The following FER variants were observed in gnomAD, a reference collection of about 807,000 sequenced individuals.
The protein encoded by FER is tyrosine-protein kinase Fer.
A neutral mutation model predicts 111.0 loss-of-function variants in FER; 63 were observed. The observed-to-expected ratio is 0.57, with a 90% CI of 0.46 to 0.70. The LOEUF (loss-of-function observed/expected upper bound fraction) is 0.70. Among genes scored for constraint, FER ranks in the 30% least tolerant of loss-of-function variants. FER has a pLI of 0.00. For synonymous variants in FER, 327 were observed against 313.9 expected, an observed-to-expected ratio of 1.04 and a Z score of -0.44; for missense variants, 914 against 954.0, an observed-to-expected ratio of 0.96 and a Z score of 0.55.
intron 11 of FER, among the ~76,000 whole-genome samples, chr5:108,954,056 G>A (rs1409197786): frequency 6.6e-6 from 1 of 152,064 alleles, no homozygotes; most frequent in Non-Finnish European, 1.5e-5. Flanking sequence ...TCTCTACCAT[G>A]CTCATGGTTT....
At chr5:108,955,410 A>G (rs1758308006) in intron 12 of FER, among the ~76,000 whole-genome samples, 1 of 151,832 alleles carries the variant, frequency 6.6e-6, no homozygotes. Context: ...ATTGGTTTTT[A>G]TAGATAAGCT....
chr5:108,914,790 AT>A (rs1309031913), intron 10 of FER, among the ~76,000 whole-genome samples: 1 of 152,330 alleles, frequency 6.6e-6, no homozygotes, highest in African/African-American at 2.4e-5. Flanking sequence ...CATTTCACAA[AT>A]TTGTGTAAGC....
At chr5:108,877,633 G>T (rs914068955) in intron 8 of FER, among the ~76,000 whole-genome samples, 1 of 152,136 alleles carries the variant, frequency 6.6e-6, no homozygotes, top group Non-Finnish European at 1.5e-5. Context: ...CAACAATAGA[G>T]AAAAAGAGAT....
At chr5:108,940,995 A>C (rs1023490169) in intron 10 of FER, among the ~76,000 whole-genome samples, 1 of 152,100 alleles carries the variant, frequency 6.6e-6, no homozygotes, top group Non-Finnish European at 1.5e-5. Context: ...TAGAGCTGAA[A>C]GTTGTCTTCT....
At chr5:108,814,709 CT>C (rs1758101785) in intron 3 of FER, among the ~76,000 whole-genome samples, 1 of 152,188 alleles carries the variant, frequency 6.6e-6, no homozygotes, top group Non-Finnish European at 1.5e-5. Flanking sequence ...CAATACCTAA[CT>C]TTCTGGGCAT....
intron 17 of FER, among the ~76,000 whole-genome samples, chr5:109,122,641 T>G (rs1412662612): frequency 6.8e-6 from 1 of 146,734 alleles, no homozygotes; most frequent in African/African-American, 2.8e-5. Flanking sequence ...TCTGTATGGA[T>G]GGTATGTCCA....
At chr5:109,060,703 T>C (rs1774281957) in intron 16 of FER, among the ~76,000 whole-genome samples, 2 of 151,476 alleles carry the variant, frequency 1.3e-5, no homozygotes, top group Admixed American at 1.3e-4. Context: ...ATAAAAAAAA[T>C]TAAAAAATAA....
At chr5:108,831,941 A>C (rs1760084946) in intron 3 of FER, among the ~76,000 whole-genome samples, 1 of 152,136 alleles carries the variant, frequency 6.6e-6, no homozygotes, top group Non-Finnish European at 1.5e-5. Flanking sequence ...AGAATATTGA[A>C]TACTATAGCG....
chr5:108,853,379 T>C (rs1413232226), intron 5 of FER, among the ~76,000 whole-genome samples: 2 of 152,170 alleles, frequency 1.3e-5, no homozygotes, highest in Non-Finnish European at 2.9e-5. Flanking sequence ...GAGCAGAAGA[T>C]AGCTGATTCA....
chr5:108,757,548 A>C (rs1751254845), intron 1 of FER, among the ~76,000 whole-genome samples: 1 of 152,158 alleles, frequency 6.6e-6, no homozygotes, highest in African/African-American at 2.4e-5. Flanking sequence ...TCCATGCCTT[A>C]GAGGTAAAAA....
intron 13 of FER, among the ~76,000 whole-genome samples, chr5:108,989,367 A>C (rs1356401880): frequency 6.6e-6 from 1 of 152,128 alleles, no homozygotes; most frequent in Admixed American, 6.5e-5. Context: ...AATATTCTTC[A>C]GTTGCTTTAC....
rs185006590 is a variant in FER, at chr5:108,906,305, T to A, written c.1236+8457T>A. On this transcript the variant is annotated intron_variant, in intron 10 of 19. Coordinates refer to ENST00000281092, the MANE Select transcript of FER (RefSeq NM_005246.4). Reference sequence around the variant, plus strand: ...TTTTTGCTGGTCTTTTTTTCCCTGTTCTTGATGTTATTTTTTCATTAAGCA... The same window carrying A: ...TTTTTGCTGGTCTTTTTTTCCCTGTACTTGATGTTATTTTTTCATTAAGCA... Among the ~76,000 whole-genome samples, 4 of 152,318 alleles carry A rather than the reference T, an allele frequency of 2.6e-5. No individual in the cohort carries two copies. The East Asian group carries it at 7.7e-4, about 29-fold the overall frequency.
intron 10 of FER, among the ~76,000 whole-genome samples, chr5:108,944,660 C>T (rs1448893003): frequency 2.0e-5 from 3 of 151,920 alleles, no homozygotes; most frequent in Non-Finnish European, 4.4e-5. Flanking sequence ...GTTACATAGA[C>T]AGGAACTACA....
chr5:108,806,853 G>T (rs1386528170), intron 3 of FER, among the ~76,000 whole-genome samples: 1 of 152,180 alleles, frequency 6.6e-6, no homozygotes, highest in African/African-American at 2.4e-5. Flanking sequence ...TGAGACATTG[G>T]ATTGTGGACT....
intron 16 of FER, among the ~76,000 whole-genome samples, chr5:109,090,092 A>G (rs1013490560): frequency 6.6e-6 from 1 of 151,948 alleles, no homozygotes; most frequent in East Asian, 1.9e-4. Context: ...TGTGTTGCCT[A>G]CTCACCACTG....
intron 1 of FER, among the ~76,000 whole-genome samples, chr5:108,763,948 A>G (rs1432369100): frequency 1.3e-5 from 2 of 152,320 alleles, no homozygotes; most frequent in Non-Finnish European, 2.9e-5. Context: ...CCTTGGCTGA[A>G]AGATGACTTT....
In FER at chr5:109,187,469, A is replaced by C; in HGVS notation, c.2363A>C (p.Asp788Ala). The C allele has an allele frequency of 1.2e-6, 2 of 1,614,114 alleles. No homozygotes were observed. Among genetic ancestry groups the C allele is most frequent in the South Asian group, 2.2e-5 (2 of 91,074 alleles). Residue 788 changes from aspartate (D) to alanine (A), a missense_variant, in exon 20 of 20, where the codon GAT becomes GCT. Asp to Ala is a moderately radical substitution (Grantham distance 126). Transcript: ENST00000281092. ...RMSAPQHCPE[D>A]ISKIMMKCWD... ...TCAGCTCCCCAGCACTGTCCAGAGG[A>C]TATTTCCAAAATCATGATGAAGTGT...
At chr5:108,855,594 GA>G (rs199949845) in intron 5 of FER, among the ~76,000 whole-genome samples, 293 of 102,978 alleles carry the variant, frequency 2.8e-3, no homozygotes, top group Middle Eastern at 6.3e-3. Context: ...GCACTCCAGC[GA>G]AAAAAAAAAA....
chr5:109,061,615 A>G (rs1202434748), intron 16 of FER, among the ~76,000 whole-genome samples: 1 of 152,158 alleles, frequency 6.6e-6, no homozygotes, highest in Non-Finnish European at 1.5e-5. Flanking sequence ...TGTGCAAGAT[A>G]CTCTGTGGAT....
Sources: gnomAD v4.1 joint callset for allele counts (sites outside exome capture counted in the v4.1 genomes callset) on GRCh38, gnomAD v4.1.1 for gene constraint, MANE v1.5 for transcripts, NCBI Gene and HGNC (gene_info 2026-07-23, HGNC 2026-07-21) for gene names.